MGAT4C: variants seen among roughly 807,000 people sequenced by gnomAD.
The protein encoded by MGAT4C is alpha-1,3-mannosyl-glycoprotein 4-beta-N-acetylglucosaminyltransferase C.
A neutral mutation model predicts 40.1 loss-of-function variants in MGAT4C; 19 were observed. The observed-to-expected ratio is 0.47, with a 90% CI of 0.33 to 0.70. The LOEUF (loss-of-function observed/expected upper bound fraction) is 0.70, where lower values mean the gene tolerates loss of function less well. Among genes scored for constraint, MGAT4C ranks in the 30% least tolerant of loss-of-function variants. The probability of loss-of-function intolerance (pLI) is 0.02; values close to 1 mark genes in which losing one functional copy is unlikely to be tolerated. For synonymous variants in MGAT4C, 181 were observed against 187.1 expected, an observed-to-expected ratio of 0.97 and a Z score of 0.27; for missense variants, 491 against 563.2, an observed-to-expected ratio of 0.87 and a Z score of 1.30.
At chr12:86,274,046 T>A (rs1414460113) in intron 4 of MGAT4C, among the ~76,000 whole-genome samples, 1 of 152,174 alleles carries the variant, frequency 6.6e-6, no homozygotes, top group African/African-American at 2.4e-5. Flanking sequence ...AAAATTACAA[T>A]CATGGCAGAT....
At chr12:86,461,973 C>T (rs1191853820) in intron 2 of MGAT4C, among the ~76,000 whole-genome samples, 1 of 152,136 alleles carries the variant, frequency 6.6e-6, no homozygotes, top group African/African-American at 2.4e-5. Flanking sequence ...TGCAGCATTA[C>T]TTCATGAGTG....
chr12:86,341,465 G>A (rs1035883602), intron 3 of MGAT4C, among the ~76,000 whole-genome samples: 16 of 152,306 alleles, frequency 1.1e-4, no homozygotes, highest in South Asian at 2.1e-4. Flanking sequence ...TTAGACTCCT[G>A]TACATAACCC....
chr12:86,508,612 T>C (rs1205358417), intron 2 of MGAT4C, among the ~76,000 whole-genome samples: 1 of 151,990 alleles, frequency 6.6e-6, no homozygotes, highest in African/African-American at 2.4e-5. Context: ...TTTCTAGTTC[T>C]AGATCCCTGA....
At chr12:86,338,127 T>C (rs956511848) in intron 3 of MGAT4C, among the ~76,000 whole-genome samples, 3 of 152,126 alleles carry the variant, frequency 2.0e-5, no homozygotes, top group Non-Finnish European at 4.4e-5. Flanking sequence ...AAAGTTTTAT[T>C]ATTACTCAAA....
At chr12:86,086,014 A>G (rs575155909) in intron 1 of MGAT4C, among the ~76,000 whole-genome samples, 1 of 152,192 alleles carries the variant, frequency 6.6e-6, no homozygotes, top group East Asian at 1.9e-4. Flanking sequence ...TAGAAATACC[A>G]TTTGACCCAG....
In MGAT4C at chr12:86,637,494, A is replaced by C. The variant is rs373062329; in HGVS notation, c.-229+89715T>G. Among the ~76,000 whole-genome samples the C allele has an allele frequency of 2.6e-5, 4 of 152,072 alleles. No homozygotes were observed. In the East Asian group the frequency reaches 7.8e-4, roughly 30 times the overall value. Reference sequence around the variant, plus strand: ...AATATGTTAAGGTTATAATCAGGCCAGATTTATAAAGCTTCTCCTCCACTT... The same window carrying C: ...AATATGTTAAGGTTATAATCAGGCCCGATTTATAAAGCTTCTCCTCCACTT... On this transcript the variant is annotated intron_variant, in intron 2 of 7. Coordinates refer to the MGAT4C transcript ENST00000548651.
rs1882990942 is a variant in MGAT4C at position 85,959,418 on chromosome 12, C to T, written c.*19871G>A. 1 of 151,774 alleles carries T rather than the reference C, an allele frequency of 6.6e-6. No individual in the cohort carries two copies. The highest frequency in any genetic ancestry group is 1.5e-5 in the Non-Finnish European group (1 of 67,884). The allele number at this position is 151,774 out of a possible 1,614,324, so 9.4% of individuals were successfully genotyped here. A position where few individuals can be genotyped will look rare whatever the true frequency, so the allele number is the denominator to read the frequency against. The stretch of plus-strand genomic sequence containing the variant: ...ATTTTTCTTTTTTCCTTTTCTCTTC[C>T]CCTTTCTCTCTCTTTCTCTTTTTTA... On this transcript the variant is annotated 3_prime_UTR_variant, in exon 5 of 5. Transcript: ENST00000611864.
intron 2 of MGAT4C, among the ~76,000 whole-genome samples, chr12:86,632,245 G>T (rs1414739747): frequency 6.6e-6 from 1 of 152,092 alleles, no homozygotes; most frequent in African/African-American, 2.4e-5. Context: ...TCATTAAAAA[G>T]TCAGGAAACA....
At chr12:86,136,580 G>T (rs888889150) in intron 1 of MGAT4C, among the ~76,000 whole-genome samples, 3 of 152,188 alleles carry the variant, frequency 2.0e-5, no homozygotes, top group East Asian at 1.9e-4. Context: ...ATAGGGTTTC[G>T]TTATTCTTTA....
In MGAT4C at chr12:86,771,686, ATGTGTGTGTGTGTGTG is replaced by A. The variant is rs59917182; in HGVS notation, c.-261-44461_-261-44446del. Among the ~76,000 whole-genome samples the A allele has an allele frequency of 5.2e-4, 76 of 146,782 alleles. 1 individual carries two copies. Among genetic ancestry groups the A allele is most frequent in the Admixed American group, 1.2e-3 (18 of 14,682 alleles). On this transcript the variant is annotated intron_variant, in intron 1 of 7. Transcript: ENST00000548651. ...TGTAAAAAAAAGTACATAAATATAT[ATGTGTGTGTGTGTGTG>A]TGTGTGTGTGTGTGTGTGTGTATGT... is the stretch of plus-strand genomic sequence containing the variant.
chr12:86,026,312 C>G (rs60286976), intron 2 of MGAT4C, among the ~76,000 whole-genome samples: 24,000 of 151,434 alleles, frequency 0.16, 2,224 homozygotes, highest in African/African-American at 0.26. Flanking sequence ...GACCTTTTCT[C>G]TGCATGTGCA....
intron 2 of MGAT4C, among the ~76,000 whole-genome samples, chr12:86,713,883 C>T (rs1950600272): frequency 6.6e-6 from 1 of 151,118 alleles, no homozygotes; most frequent in South Asian, 2.1e-4. Flanking sequence ...TCAGAGCCCC[C>T]TTTAGTTATT....
At chr12:86,704,109 T>C (rs1377468662) in intron 2 of MGAT4C, among the ~76,000 whole-genome samples, 1 of 152,138 alleles carries the variant, frequency 6.6e-6, no homozygotes, top group African/African-American at 2.4e-5. Flanking sequence ...ATAATTATAT[T>C]TTACTATATT....
chr12:86,320,103 A>C (rs1381397146), intron 4 of MGAT4C, among the ~76,000 whole-genome samples: 1 of 152,064 alleles, frequency 6.6e-6, no homozygotes, highest in Non-Finnish European at 1.5e-5. Flanking sequence ...TCCTGACACT[A>C]CAAGATCTCC....
upstream of MGAT4C, among the ~76,000 whole-genome samples, chr12:86,257,263 G>A (rs545404697): frequency 9.1e-4 from 139 of 152,236 alleles, no homozygotes; most frequent in South Asian, 2.5e-3. Flanking sequence ...GAGGATAATG[G>A]GCTAAGCTGG....
At chr12:86,625,130 T>A (rs888817211) in intron 2 of MGAT4C, among the ~76,000 whole-genome samples, 7 of 152,012 alleles carry the variant, frequency 4.6e-5, no homozygotes, top group African/African-American at 1.4e-4. Flanking sequence ...TGGCTCTTTT[T>A]AGGGGGCTTT....
chr12:86,185,098 T>C (rs975117061), intron 1 of MGAT4C, among the ~76,000 whole-genome samples: 1 of 152,198 alleles, frequency 6.6e-6, no homozygotes, highest in Non-Finnish European at 1.5e-5. Flanking sequence ...GAATGTGGTG[T>C]TGCCCGACTC....
At position 86,348,651 on chromosome 12, in the gene MGAT4C, C is replaced by G. The variant is rs146959656; in HGVS notation, c.-119-14524G>C. On this transcript the variant is annotated intron_variant, in intron 3 of 7. Coordinates refer to the MGAT4C transcript ENST00000548651. Reference sequence around the variant, plus strand: ...AGGCCTTGCATCACCATCTTTTGAGCATTTTACTCATGTAGCTTTCTGTAT... The same window carrying G: ...AGGCCTTGCATCACCATCTTTTGAGGATTTTACTCATGTAGCTTTCTGTAT... Among the ~76,000 whole-genome samples, 12 of 152,204 alleles carry G rather than the reference C, an allele frequency of 7.9e-5. 1 individual carries two copies. Among genetic ancestry groups the G allele is most frequent in the African/African-American group, 2.9e-4 (12 of 41,550 alleles).
chr12:86,037,025 T>C (rs1466434851), intron 2 of MGAT4C, among the ~76,000 whole-genome samples: 2 of 150,200 alleles, frequency 1.3e-5, no homozygotes, highest in Non-Finnish European at 3.0e-5. Context: ...TGGGAGGGTG[T>C]ATGTGTCCAG....
Sources: gnomAD v4.1 joint callset for allele counts (sites outside exome capture counted in the v4.1 genomes callset) on GRCh38, gnomAD v4.1.1 for gene constraint, MANE v1.5 for transcripts, NCBI Gene and HGNC (gene_info 2026-07-23, HGNC 2026-07-21) for gene names.